Variants in EPHB1 observed in about 807,000 individuals in gnomAD.
EPHB1 encodes ephrin type-B receptor 1.
EPHB1 carries 30 observed loss-of-function variants against 94.4 expected under a neutral mutation model. The observed-to-expected ratio is 0.32, with a 90% CI of 0.24 to 0.43. The LOEUF (loss-of-function observed/expected upper bound fraction) is 0.43, where lower values mean the gene tolerates loss of function less well. Ranked by LOEUF, EPHB1 falls within the 20% of genes least tolerant of loss-of-function variation. The pLI is 1.00. For synonymous variants in EPHB1, 522 were observed against 489.1 expected, an observed-to-expected ratio of 1.07 and a Z score of -0.89; for missense variants, 1,055 against 1,308.3, an observed-to-expected ratio of 0.81 and a Z score of 2.99.
At chr3:134,933,593 T>C (rs900904155) in intron 2 of EPHB1, among the ~76,000 whole-genome samples, 23 of 152,162 alleles carry the variant, frequency 1.5e-4, no homozygotes, top group African/African-American at 5.1e-4. Flanking sequence ...AAGTGCCTTA[T>C]AGCCAGGCAC....
intron 3 of EPHB1, among the ~76,000 whole-genome samples, chr3:135,028,273 A>T (rs1936271300): frequency 6.8e-6 from 1 of 146,004 alleles, no homozygotes; most frequent in African/African-American, 2.7e-5. Context: ...CTAGCTTTTG[A>T]ATGTGTTTGC....
intron 9 of EPHB1, among the ~76,000 whole-genome samples, chr3:135,178,095 G>A (rs925672943): frequency 6.6e-6 from 1 of 152,076 alleles, no homozygotes; most frequent in African/African-American, 2.4e-5. Context: ...AAGTGACTGG[G>A]AATAACTCAT....
chr3:135,135,323 A>G (rs539905672), intron 5 of EPHB1, among the ~76,000 whole-genome samples: 1 of 152,324 alleles, frequency 6.6e-6, no homozygotes, highest in Non-Finnish European at 1.5e-5. Flanking sequence ...ACAGGGTGCC[A>G]TCGCACTGAT....
intron 1 of EPHB1, among the ~76,000 whole-genome samples, chr3:134,920,404 A>C (rs1480423078): frequency 6.6e-6 from 1 of 152,122 alleles, no homozygotes; most frequent in East Asian, 1.9e-4. Context: ...TTCAGGCTTA[A>C]AGAGTTCTGT....
At chr3:135,190,545 A>G (rs1051567512) in intron 10 of EPHB1, among the ~76,000 whole-genome samples, 3 of 151,998 alleles carry the variant, frequency 2.0e-5, no homozygotes, top group Admixed American at 2.0e-4. Context: ...ATATCTAGAC[A>G]TATATACATA....
chr3:134,855,370 G>T (rs1452822649), intron 1 of EPHB1, among the ~76,000 whole-genome samples: 1 of 152,206 alleles, frequency 6.6e-6, no homozygotes, highest in East Asian at 1.9e-4. Context: ...TGCATGGGCT[G>T]CCTCTGGTCC....
At chr3:135,162,834 A>G (rs1433672296) in intron 7 of EPHB1, among the ~76,000 whole-genome samples, 1 of 152,164 alleles carries the variant, frequency 6.6e-6, no homozygotes, top group Non-Finnish European at 1.5e-5. Context: ...GTTCTGAAAA[A>G]TCTGATTTCC....
chr3:134,813,468 A>T (rs2036213639), intron 1 of EPHB1, among the ~76,000 whole-genome samples: 1 of 152,170 alleles, frequency 6.6e-6, no homozygotes, highest in Non-Finnish European at 1.5e-5. Context: ...AGAGAAGAAA[A>T]GTATAATTTT....
intron 10 of EPHB1, among the ~76,000 whole-genome samples, chr3:135,182,512 T>C (rs774257738): frequency 6.6e-6 from 1 of 152,104 alleles, no homozygotes; most frequent in Non-Finnish European, 1.5e-5. Flanking sequence ...ACAGATTTAG[T>C]GGGAAAAACT....
intron 1 of EPHB1, among the ~76,000 whole-genome samples, chr3:134,838,157 C>T (rs1445767191): frequency 6.6e-6 from 1 of 152,176 alleles, no homozygotes; most frequent in Non-Finnish European, 1.5e-5. Flanking sequence ...AGAAATGTAA[C>T]AAGCCTTCTG....
chr3:135,183,192 C>T (rs1347865202), intron 10 of EPHB1, among the ~76,000 whole-genome samples: 2 of 150,340 alleles, frequency 1.3e-5, no homozygotes, highest in Admixed American at 1.3e-4. Context: ...TCCTTCCTCC[C>T]TTCCTTCCTC....
At chr3:134,866,150 T>C (rs2037372912) in intron 1 of EPHB1, among the ~76,000 whole-genome samples, 1 of 152,196 alleles carries the variant, frequency 6.6e-6, no homozygotes, top group Non-Finnish European at 1.5e-5. Flanking sequence ...AGGTCAGCCT[T>C]GGACAGTGGG....
rs745566267 is a variant in EPHB1 at position 135,258,964 on chromosome 3, A to T, written c.2847-48A>T. 1.7e-5 allele frequency: 25 copies of T among 1,438,082 alleles called. No individual in the cohort carries two copies. The Admixed American group carries it at 2.3e-4, about 13-fold the overall frequency. 89.1% of individuals were successfully genotyped at this position (1,438,082 alleles called of 1,614,324 possible). On this transcript the variant is annotated intron_variant, in intron 15 of 15. Transcript: ENST00000398015. ...TAGTGATGAGTTTTGATCTGCGAAA[A>T]GCTAACCTAACACTAAAGTGACTTC...
chr3:135,009,061 C>G (rs1188401410), intron 3 of EPHB1, among the ~76,000 whole-genome samples: 4 of 152,202 alleles, frequency 2.6e-5, no homozygotes, highest in Non-Finnish European at 4.4e-5. Context: ...AGGAAAGGAA[C>G]AGCATAAACC....
chr3:135,020,518 T>C (rs1407493890), intron 3 of EPHB1, among the ~76,000 whole-genome samples: 2 of 152,240 alleles, frequency 1.3e-5, no homozygotes, highest in South Asian at 4.1e-4. Flanking sequence ...ATAAATGGAA[T>C]CATGCGCTAT....
intron 3 of EPHB1, among the ~76,000 whole-genome samples, chr3:135,004,910 T>G (rs1458550559): frequency 1.3e-5 from 2 of 152,202 alleles, no homozygotes; most frequent in Non-Finnish European, 2.9e-5. Flanking sequence ...TTGAATGTCC[T>G]CCCATAGCTC....
At chr3:135,084,480 G>A (rs371115487) in intron 3 of EPHB1, among the ~76,000 whole-genome samples, 1 of 152,198 alleles carries the variant, frequency 6.6e-6, no homozygotes, top group Non-Finnish European at 1.5e-5. Flanking sequence ...GTGTCATATA[G>A]GTCCCTTGCT....
intron 12 of EPHB1, among the ~76,000 whole-genome samples, chr3:135,211,632 C>T (rs1943035067): frequency 6.6e-6 from 1 of 152,088 alleles, no homozygotes; most frequent in Admixed American, 6.6e-5. Context: ...TTGTGGTTGC[C>T]ATGGCTTCTG....
At chr3:134,852,746 G>A (rs958899569) in intron 1 of EPHB1, 7 of 152,058 alleles carry the variant, frequency 4.6e-5, no homozygotes, top group East Asian at 3.9e-4. Flanking sequence ...CCTAATTATC[G>A]ACTGGTATTG....
Sources: gnomAD v4.1 joint callset for allele counts (sites outside exome capture counted in the v4.1 genomes callset) on GRCh38, gnomAD v4.1.1 for gene constraint, MANE v1.5 for transcripts, NCBI Gene and HGNC (gene_info 2026-07-23, HGNC 2026-07-21) for gene names.